Variants in LRRC4C observed in about 807,000 individuals in gnomAD.
LRRC4C encodes the protein leucine rich repeat containing 4C.
A neutral mutation model predicts 33.6 loss-of-function variants in LRRC4C; 5 were observed. The ratio of observed to expected loss-of-function variants is 0.15; its 90% CI spans 0.08 to 0.31. LRRC4C has a LOEUF of 0.31. Among genes scored for constraint, LRRC4C ranks in the 10% least tolerant of loss-of-function variants. The pLI is 1.00. For missense variants in LRRC4C, 560 were observed against 796.7 expected (o/e 0.70, Z 3.58); for synonymous variants, 329 against 302.0 (o/e 1.09, Z -0.93).
chr11:40,653,501 T>G (rs746374537), intron 2 of LRRC4C, among the ~76,000 whole-genome samples: 1 of 152,096 alleles, frequency 6.6e-6, no homozygotes, highest in Non-Finnish European at 1.5e-5. Flanking sequence ...GAGAGATGAT[T>G]TAGGGTATCT....
At chr11:41,334,620 C>G (rs1951394127) in intron 1 of LRRC4C, among the ~76,000 whole-genome samples, 2 of 151,950 alleles carry the variant, frequency 1.3e-5, no homozygotes, top group African/African-American at 4.8e-5. Flanking sequence ...TCACTTGAGG[C>G]CAGGAATTTG....
chr11:40,136,066 C>T (rs2134886958), intron 6 of LRRC4C, among the ~76,000 whole-genome samples: 1 of 152,304 alleles, frequency 6.6e-6, no homozygotes, highest in Non-Finnish European at 1.5e-5. Flanking sequence ...ATCGGGCTCA[C>T]CACGCCAGTT....
In LRRC4C at chr11:40,547,879, A is replaced by G. The variant is rs115794505; in HGVS notation, c.-270+100263T>C. ...TATAAAACATAAGATAACATTCAGC[A>G]AACATTTATTGAGCATCTACTACGT... On this transcript the variant is annotated intron_variant, in intron 3 of 6. Transcript: ENST00000528697. Among the ~76,000 whole-genome samples the G allele has an allele frequency of 6.9e-3, 1,049 of 152,250 alleles. 18 individuals are homozygous for G. Among genetic ancestry groups the G allele is most frequent in the African/African-American group, 0.023 (959 of 41,548 alleles).
intron 2 of LRRC4C, among the ~76,000 whole-genome samples, chr11:40,676,742 T>C (rs575717404): frequency 6.6e-6 from 1 of 152,186 alleles, no homozygotes; most frequent in Non-Finnish European, 1.5e-5. Context: ...GAACTTTGGA[T>C]ATGTTTACTT....
At chr11:40,582,025 G>C (rs908915457) in intron 3 of LRRC4C, among the ~76,000 whole-genome samples, 2 of 152,082 alleles carry the variant, frequency 1.3e-5, no homozygotes, top group Non-Finnish European at 2.9e-5. Flanking sequence ...AGTGGAAAAG[G>C]CTTAGAAAAG....
At chr11:40,645,155 A>T (rs80274525) in intron 3 of LRRC4C, among the ~76,000 whole-genome samples, 1,740 of 152,310 alleles carry the variant, frequency 0.011, 33 homozygotes, top group African/African-American at 0.039. Context: ...GAATTCTGAC[A>T]TAAACCTCAA....
chr11:40,688,948 C>T lies in LRRC4C; in HGVS notation c.-406-40670G>A, dbSNP rs34272703. Among the ~76,000 whole-genome samples the T allele has an allele frequency of 6.5e-3, 993 of 152,088 alleles. 9 individuals carry two copies. The highest frequency in any genetic ancestry group is 9.8e-3 in the Non-Finnish European group (664 of 67,980). On this transcript the variant is annotated intron_variant, in intron 2 of 6. Transcript: ENST00000528697. ...CACCGAGGTGTAAATAAGAAAACAA[C>T]GGAGAATGATATTCTAGCTTTGAAA...
intron 1 of LRRC4C, among the ~76,000 whole-genome samples, chr11:41,281,082 T>TCTCTCTGTC (rs1949658494): frequency 2.0e-4 from 18 of 90,928 alleles, no homozygotes; most frequent in South Asian, 4.6e-4. Flanking sequence ...CTCTGTCCTC[T>TCTCTCTGTC]CTCTCTCTCT....
chr11:41,311,236 A>G (rs1489539338), intron 1 of LRRC4C, among the ~76,000 whole-genome samples: 4 of 152,202 alleles, frequency 2.6e-5, no homozygotes, highest in Non-Finnish European at 4.4e-5. Flanking sequence ...TGGAAGCACA[A>G]GGAAGCATGG....
intron 3 of LRRC4C, among the ~76,000 whole-genome samples, chr11:40,643,261 T>A (rs897443796): frequency 2.3e-4 from 35 of 152,010 alleles, no homozygotes; most frequent in Admixed American, 3.9e-4. Context: ...GACAGAAAAA[T>A]TTGAGGCAAT....
intron 1 of LRRC4C, among the ~76,000 whole-genome samples, chr11:41,303,456 G>A (rs1591205595): frequency 7.6e-6 from 1 of 132,408 alleles, no homozygotes. Context: ...CCTCCCAGCC[G>A]CCTGCCTTGG....
intron 4 of LRRC4C, among the ~76,000 whole-genome samples, chr11:40,286,437 T>A (rs1311891156): frequency 1.3e-5 from 2 of 152,200 alleles, no homozygotes; most frequent in African/African-American, 2.4e-5. Flanking sequence ...AAAAGTACAT[T>A]AACTTTACAT....
chr11:40,804,355 C>A (rs1252606640), intron 2 of LRRC4C, among the ~76,000 whole-genome samples: 1 of 152,148 alleles, frequency 6.6e-6, no homozygotes, highest in Non-Finnish European at 1.5e-5. Flanking sequence ...AAGAATATTT[C>A]TAGAGCCTTG....
chr11:40,667,920 A>G (rs1257339123), intron 2 of LRRC4C, among the ~76,000 whole-genome samples: 6 of 152,170 alleles, frequency 3.9e-5, no homozygotes, highest in Admixed American at 6.5e-5. Flanking sequence ...TTAAGCACCT[A>G]CCTTAGGTAA....
At chr11:41,301,345 T>G (rs2137078535) in intron 1 of LRRC4C, among the ~76,000 whole-genome samples, 1 of 152,306 alleles carries the variant, frequency 6.6e-6, no homozygotes, top group African/African-American at 2.4e-5. Context: ...AGTTGAATGC[T>G]TTGTAAAGTT....
intron 2 of LRRC4C, among the ~76,000 whole-genome samples, chr11:40,715,088 G>A (rs959611844): frequency 9.2e-5 from 14 of 152,102 alleles, no homozygotes; most frequent in Non-Finnish European, 1.9e-4. Flanking sequence ...AACTTCACCT[G>A]TAATAAAATC....
intron 1 of LRRC4C, among the ~76,000 whole-genome samples, chr11:41,275,904 T>C (rs1949469200): frequency 6.6e-6 from 1 of 152,176 alleles, no homozygotes; most frequent in Non-Finnish European, 1.5e-5. Flanking sequence ...CGTATACACA[T>C]GCATAGAATA....
chr11:40,154,492 A>G (rs1057270311), intron 5 of LRRC4C, among the ~76,000 whole-genome samples: 3 of 152,230 alleles, frequency 2.0e-5, no homozygotes, highest in African/African-American at 7.2e-5. Flanking sequence ...AAAGACTCAA[A>G]TAAACTTAAA....
intron 3 of LRRC4C, among the ~76,000 whole-genome samples, chr11:40,607,347 C>A (rs1960729321): frequency 6.6e-6 from 1 of 152,148 alleles, no homozygotes; most frequent in Admixed American, 6.5e-5. Flanking sequence ...TGTTTTCATG[C>A]TCAAATGTTG....
Sources: gnomAD v4.1 joint callset for allele counts (sites outside exome capture counted in the v4.1 genomes callset) on GRCh38, gnomAD v4.1.1 for gene constraint, MANE v1.5 for transcripts, NCBI Gene and HGNC (gene_info 2026-07-23, HGNC 2026-07-21) for gene names.